MAML3: variants seen among roughly 807,000 people sequenced by gnomAD.
MAML3 encodes mastermind like transcriptional coactivator 3.
A neutral mutation model predicts 101.9 loss-of-function variants in MAML3; 27 were observed. The observed-to-expected ratio is 0.27, with a 90% CI of 0.20 to 0.37. The LOEUF is 0.37. Ranked by LOEUF, MAML3 falls within the 10% of genes least tolerant of loss-of-function variation. The pLI, the probability that MAML3 is intolerant of heterozygous loss-of-function variation, is 1.00. For synonymous variants in MAML3, 501 were observed against 555.9 expected (o/e 0.90, Z 1.39); for missense variants, 1,316 against 1,444.9 (o/e 0.91, Z 1.45).
At chr4:140,002,072 T>A (rs1396938245) in intron 1 of MAML3, among the ~76,000 whole-genome samples, 2 of 152,178 alleles carry the variant, frequency 1.3e-5, no homozygotes, top group African/African-American at 4.8e-5. Flanking sequence ...GAGAGAACAC[T>A]TAAAATCTAC....
chr4:139,774,917 G>A (rs971917954), intron 2 of MAML3, among the ~76,000 whole-genome samples: 1 of 152,132 alleles, frequency 6.6e-6, no homozygotes, highest in Non-Finnish European at 1.5e-5. Context: ...TAATCAGGCC[G>A]ATGATCTCTC....
chr4:139,752,551 A>T (rs1252438431), intron 2 of MAML3, among the ~76,000 whole-genome samples: 1 of 152,224 alleles, frequency 6.6e-6, no homozygotes, highest in Non-Finnish European at 1.5e-5. Context: ...AGTGGCTGGC[A>T]GGTCATGGGA....
chr4:140,105,615 A>C (rs1400655078), intron 1 of MAML3, among the ~76,000 whole-genome samples: 1 of 152,222 alleles, frequency 6.6e-6, no homozygotes, highest in African/African-American at 2.4e-5. Context: ...TTGTTTACAA[A>C]GCCTCGTATT....
At chr4:139,950,911 A>T (rs976734997) in intron 1 of MAML3, among the ~76,000 whole-genome samples, 50 of 152,268 alleles carry the variant, frequency 3.3e-4, no homozygotes, top group African/African-American at 1.2e-3. Flanking sequence ...TCGGGTTACT[A>T]AATGGCATTT....
intron 1 of MAML3, among the ~76,000 whole-genome samples, chr4:140,146,898 G>A (rs1411234000): frequency 6.6e-6 from 1 of 152,044 alleles, no homozygotes; most frequent in Non-Finnish European, 1.5e-5. Flanking sequence ...CACTTTGGGA[G>A]GCTGAGGTGG....
intron 1 of MAML3, among the ~76,000 whole-genome samples, chr4:139,912,633 G>C (rs1732945394): frequency 6.6e-6 from 1 of 152,208 alleles, no homozygotes; most frequent in Non-Finnish European, 1.5e-5. Flanking sequence ...AACACAGCTG[G>C]TATCATCTTA....
At chr4:139,992,757 C>T (rs1300024898) in intron 1 of MAML3, among the ~76,000 whole-genome samples, 1 of 152,102 alleles carries the variant, frequency 6.6e-6, no homozygotes, top group Admixed American at 6.5e-5. Flanking sequence ...CGGGGTTTCA[C>T]CATGTTGGCC....
At chr4:139,985,383 TAA>T (rs554980619) in intron 1 of MAML3, among the ~76,000 whole-genome samples, 344 of 152,342 alleles carry the variant, frequency 2.3e-3, no homozygotes, top group Non-Finnish European at 4.1e-3. Context: ...GCTCAAATCT[TAA>T]AGAGCTTCAA....
At chr4:139,769,727 T>C (rs1729937382) in intron 2 of MAML3, among the ~76,000 whole-genome samples, 1 of 152,100 alleles carries the variant, frequency 6.6e-6, no homozygotes, top group Non-Finnish European at 1.5e-5. Flanking sequence ...GCCATTCTCC[T>C]GCCTCAGCCT....
intron 2 of MAML3, among the ~76,000 whole-genome samples, chr4:139,877,656 T>C (rs1732141496): frequency 6.6e-6 from 1 of 152,200 alleles, no homozygotes; most frequent in South Asian, 2.1e-4. Flanking sequence ...AGAGTAGCTA[T>C]TTGTGGCTCA....
intron 2 of MAML3, among the ~76,000 whole-genome samples, chr4:139,826,293 T>C (rs1003899988): frequency 5.9e-5 from 9 of 152,032 alleles, no homozygotes; most frequent in Non-Finnish European, 1.2e-4. Context: ...ACAAGGAGTA[T>C]CAGTGAAGGG....
chr4:140,050,484 C>A (rs1415946446), intron 1 of MAML3, among the ~76,000 whole-genome samples: 1 of 152,158 alleles, frequency 6.6e-6, no homozygotes, highest in Non-Finnish European at 1.5e-5. Context: ...GGAGTAAAAG[C>A]CACTGACTAC....
intron 1 of MAML3, among the ~76,000 whole-genome samples, chr4:139,990,183 G>T (rs1734639147): frequency 6.6e-6 from 1 of 152,048 alleles, no homozygotes; most frequent in Non-Finnish European, 1.5e-5. Context: ...TACTTGAGAG[G>T]CTTAAAATAA....
At chr4:139,764,714 G>A (rs557153563) in intron 2 of MAML3, among the ~76,000 whole-genome samples, 8 of 152,358 alleles carry the variant, frequency 5.3e-5, no homozygotes, top group South Asian at 2.1e-4. Flanking sequence ...AACATCTCCC[G>A]GTGATAAGGG....
chr4:139,791,311 A>G (rs1578602956), intron 2 of MAML3, among the ~76,000 whole-genome samples: 1 of 152,112 alleles, frequency 6.6e-6, no homozygotes, highest in African/African-American at 2.4e-5. Flanking sequence ...AGTCTGGACA[A>G]CATGGCAAAA....
Position 139,719,407 on chromosome 4 carries a change from A to C in MAML3, c.3333T>G (p.Gly1111=). 4 of 1,613,904 alleles carry C rather than the reference A, an allele frequency of 2.5e-6. No homozygotes were observed. The highest frequency in any genetic ancestry group is 3.4e-6 in the Non-Finnish European group (4 of 1,179,872). Residue 1111 remains glycine (G), a synonymous_variant, in exon 5 of 5, where the codon GGT becomes GGG. Coordinates refer to ENST00000509479, the MANE Select transcript of MAML3 (RefSeq NM_018717.5). The part of the protein sequence containing the change: ...AGGSFPGLPD[G]ADLVDSIIKG... ...TGATGATGGAGTCCACAAGGTCTGC[A>C]CCGTCCGGGAGGCCAGGGAAGGAAC... is the stretch of plus-strand genomic sequence containing the variant.
At chr4:140,000,640 GAGA>G (rs1236264792) in intron 1 of MAML3, among the ~76,000 whole-genome samples, 1 of 152,142 alleles carries the variant, frequency 6.6e-6, no homozygotes, top group East Asian at 1.9e-4. Context: ...CTTCCTAAAG[GAGA>G]AGAAGAATGG....
At chr4:139,985,775 G>T (rs746403401) in intron 1 of MAML3, among the ~76,000 whole-genome samples, 4 of 152,228 alleles carry the variant, frequency 2.6e-5, no homozygotes, top group Non-Finnish European at 4.4e-5. Context: ...TGGGGAATTA[G>T]CTAGAATTCT....
intron 1 of MAML3, among the ~76,000 whole-genome samples, chr4:140,124,898 T>C (rs1170700890): frequency 2.0e-5 from 3 of 152,148 alleles, no homozygotes; most frequent in Non-Finnish European, 4.4e-5. Context: ...GAAGCAAGCC[T>C]CACAGGCAAA....
Sources: gnomAD v4.1 joint callset for allele counts (sites outside exome capture counted in the v4.1 genomes callset) on GRCh38, gnomAD v4.1.1 for gene constraint, MANE v1.5 for transcripts, NCBI Gene and HGNC (gene_info 2026-07-23, HGNC 2026-07-21) for gene names.